The following PACSIN1 variants were observed in gnomAD, a reference collection of about 807,000 sequenced individuals.
The protein encoded by PACSIN1 is protein kinase C and casein kinase substrate in neurons protein 1.
Under a neutral mutation model 59.5 loss-of-function variants are expected in PACSIN1, and 15 were observed. That is an observed-to-expected ratio of 0.25 (90% CI 0.17 to 0.39). The LOEUF is 0.39. PACSIN1 is among the 10% of genes least tolerant of loss of function. The pLI is 1.00. For missense variants in PACSIN1, 420 were observed against 580.2 expected, an observed-to-expected ratio of 0.72 and a Z score of 2.84; for synonymous variants, 210 against 220.6, an observed-to-expected ratio of 0.95 and a Z score of 0.42.
chr6:34,509,115 A>G (rs929901839), intron 1 of PACSIN1, among the ~76,000 whole-genome samples: 2 of 152,066 alleles, frequency 1.3e-5, no homozygotes, highest in Non-Finnish European at 1.5e-5. Flanking sequence ...GTTTTTCCCT[A>G]TATTTTCTTC....
At chr6:34,522,960 T>G (rs1466506320) in intron 1 of PACSIN1, among the ~76,000 whole-genome samples, 1 of 152,184 alleles carries the variant, frequency 6.6e-6, no homozygotes, top group Non-Finnish European at 1.5e-5. Context: ...TGAGGGCAGA[T>G]CTTCCTTCCT....
chr6:34,510,016 G>A (rs75152896), intron 1 of PACSIN1, among the ~76,000 whole-genome samples: 12,144 of 152,198 alleles, frequency 0.08, 525 homozygotes, highest in Non-Finnish European at 0.091. Flanking sequence ...CAAACCACAC[G>A]GTAGAATTTA....
At chr6:34,471,873 G>C (rs1314157651) in intron 1 of PACSIN1, among the ~76,000 whole-genome samples, 1 of 152,136 alleles carries the variant, frequency 6.6e-6, no homozygotes, top group African/African-American at 2.4e-5. Context: ...TGTGATTTCG[G>C]GCAGTTGTTC....
intron 1 of PACSIN1, among the ~76,000 whole-genome samples, chr6:34,494,393 T>C (rs1489540102): frequency 6.6e-6 from 1 of 152,176 alleles, no homozygotes; most frequent in Non-Finnish European, 1.5e-5. Context: ...GGGGGCCTTT[T>C]AAAAAGATTC....
chr6:34,531,142 G>A lies in PACSIN1; in HGVS notation c.1038-458G>A, dbSNP rs959114096. 6.6e-6 allele frequency among the ~76,000 whole-genome samples: 1 copy of A among 152,192 alleles called. No individual in the cohort carries two copies. The highest frequency in any genetic ancestry group is 2.4e-5 in the African/African-American group (1 of 41,430). On this transcript the variant is annotated intron_variant, in intron 8 of 9. Coordinates refer to ENST00000244458, the MANE Select transcript of PACSIN1 (RefSeq NM_020804.5). This position sits in a 1 kb window ranked among gnomAD's most constrained non-coding sequence, Gnocchi z 4.4. ...CTAGAGCACCTACTGTGTGTGGCAC[G>A]GTTCTATGCACTTTCCATATGTTAA...
chr6:34,472,321 T>C (rs1766583397), intron 1 of PACSIN1, among the ~76,000 whole-genome samples: 1 of 151,132 alleles, frequency 6.6e-6, no homozygotes, highest in African/African-American at 2.4e-5. Context: ...ATGATACAAT[T>C]TTTAAAGTAC....
At chr6:34,483,517 G>T (rs996191659) in intron 1 of PACSIN1, among the ~76,000 whole-genome samples, 4 of 152,040 alleles carry the variant, frequency 2.6e-5, no homozygotes, top group African/African-American at 9.7e-5. Flanking sequence ...TGCTCCTCTA[G>T]GGGTCCTCAC....
intron 1 of PACSIN1, among the ~76,000 whole-genome samples, chr6:34,517,296 G>A (rs1482970589): frequency 2.0e-5 from 3 of 149,202 alleles, no homozygotes; most frequent in Admixed American, 6.7e-5. Flanking sequence ...CCTCACCTGG[G>A]GGACTGCAGC....
chr6:34,504,693 T>G (rs1467197497), intron 1 of PACSIN1, among the ~76,000 whole-genome samples: 1 of 152,232 alleles, frequency 6.6e-6, no homozygotes, highest in African/African-American at 2.4e-5. Context: ...CCATTTTTCT[T>G]TCCTCCTCCC....
chr6:34,530,673 G>A lies in PACSIN1; in HGVS notation c.1037+86G>A. 7.4e-7 allele frequency: 1 copy of A among 1,345,714 alleles called. No homozygotes were observed. The allele number at this position is 1,345,714 out of a possible 1,614,324, so 83.4% of individuals were successfully genotyped here. ...GTTTTGCTTCAGAAGACAAGAAATG[G>A]TCTAGATCATAGCAACTATGTCTCC... On this transcript the variant is annotated intron_variant, in intron 8 of 9. Transcript: ENST00000244458. The surrounding 1 kb of genome is among the most constrained non-coding windows in gnomAD (Gnocchi z 4.4).
chr6:34,523,843 A>C (rs1164597608), intron 1 of PACSIN1, among the ~76,000 whole-genome samples: 1 of 152,230 alleles, frequency 6.6e-6, no homozygotes, highest in Admixed American at 6.5e-5. Flanking sequence ...GGGGGTCCAC[A>C]TGCTGTCTCC....
chr6:34,485,516 G>A (rs1304763319), intron 1 of PACSIN1, among the ~76,000 whole-genome samples: 1 of 152,202 alleles, frequency 6.6e-6, no homozygotes, highest in Non-Finnish European at 1.5e-5. Context: ...GGTGAACAGT[G>A]GTGTTGTGTC....
chr6:34,485,712 A>G (rs955700137), intron 1 of PACSIN1, among the ~76,000 whole-genome samples: 1 of 152,204 alleles, frequency 6.6e-6, no homozygotes, highest in Non-Finnish European at 1.5e-5. Context: ...GGAGAAGAGA[A>G]GAGGTCCCAG....
At chr6:34,469,422 C>T (rs556698966) in intron 1 of PACSIN1, among the ~76,000 whole-genome samples, 11 of 151,228 alleles carry the variant, frequency 7.3e-5, no homozygotes, top group Non-Finnish European at 1.3e-4. Context: ...GGGGACTTGG[C>T]GGGCAGGTCA....
chr6:34,524,409 C>T (rs1581984516), intron 1 of PACSIN1, among the ~76,000 whole-genome samples: 1 of 152,174 alleles, frequency 6.6e-6, no homozygotes, highest in African/African-American at 2.4e-5. Flanking sequence ...AGAGAAAAGT[C>T]TCTCTCCCCC....
chr6:34,481,491 A>C (rs189614105), intron 1 of PACSIN1, among the ~76,000 whole-genome samples: 20 of 151,952 alleles, frequency 1.3e-4, no homozygotes, highest in Middle Eastern at 3.4e-3. Context: ...GACAACAATG[A>C]AACCCATCTC....
Position 34,521,862 on chromosome 6 carries a change from G to A in PACSIN1, c.-63-4381G>A, listed in dbSNP as rs1052400565. Among the ~76,000 whole-genome samples, 3 of 152,174 alleles carry A rather than the reference G, an allele frequency of 2.0e-5. No homozygotes were observed. Among genetic ancestry groups the A allele is most frequent in the African/African-American group, 7.2e-5 (3 of 41,418 alleles). ...TGCGGACGCCGAGGCCTGGGAAGAG[G>A]GAGAGAGCCACACACGGTCTCACAG... is the stretch of plus-strand genomic sequence containing the variant. On this transcript the variant is annotated intron_variant, in intron 1 of 9. Transcript: ENST00000244458. The surrounding 1 kb of genome is among the most constrained non-coding windows in gnomAD (Gnocchi z 4.3).
Position 34,499,597 on chromosome 6 carries a change from C to T in PACSIN1, c.-63-26646C>T, listed in dbSNP as rs1766994810. Among the ~76,000 whole-genome samples, 3 of 151,932 alleles carry T rather than the reference C, an allele frequency of 2.0e-5. No homozygotes were observed. The South Asian group carries it at 6.2e-4, about 31-fold the overall frequency. On this transcript the variant is annotated intron_variant, in intron 1 of 9. Coordinates refer to ENST00000244458, the MANE Select transcript of PACSIN1 (RefSeq NM_020804.5). ...TCACTTGAGGTCAGGAGTTTGAGACCAGCCTGGCCAACATGGTGAAACCCC... is the reference window on the plus strand; with the variant it reads ...TCACTTGAGGTCAGGAGTTTGAGACTAGCCTGGCCAACATGGTGAAACCCC...
chr6:34,499,532 G>T (rs898499638), intron 1 of PACSIN1, among the ~76,000 whole-genome samples: 2 of 151,978 alleles, frequency 1.3e-5, no homozygotes, highest in African/African-American at 4.8e-5. Context: ...AGTGGCTCAC[G>T]CCTGTAATCC....
Sources: gnomAD v4.1 joint callset for allele counts (sites outside exome capture counted in the v4.1 genomes callset) on GRCh38, gnomAD v4.1.1 for gene constraint, Gnocchi (gnomAD v3.1) non-coding constraint, MANE v1.5 for transcripts, NCBI Gene and HGNC (gene_info 2026-07-23, HGNC 2026-07-21) for gene names.